The following IL20RB variants were observed in gnomAD, a reference collection of about 807,000 sequenced individuals.
IL20RB encodes interleukin 20 receptor subunit beta, also known as interleukin-20 receptor subunit beta.
IL20RB carries 21 observed loss-of-function variants against 33.3 expected under a neutral mutation model. That is an observed-to-expected ratio of 0.63 (90% CI 0.45 to 0.91). The LOEUF (loss-of-function observed/expected upper bound fraction) is 0.91. Among genes scored for constraint, IL20RB ranks in the 40% least tolerant of loss-of-function variants. IL20RB has a pLI of 0.00. For missense variants in IL20RB, 345 were observed against 384.8 expected, an observed-to-expected ratio of 0.90 and a Z score of 0.86; for synonymous variants, 147 against 146.8, an observed-to-expected ratio of 1.00 and a Z score of -0.01.
At chr3:136,983,743 G>A (rs1397503498) in intron 3 of IL20RB, among the ~76,000 whole-genome samples, 1 of 152,246 alleles carries the variant, frequency 6.6e-6, no homozygotes, top group Non-Finnish European at 1.5e-5. Context: ...TCTACAAGAT[G>A]TCATCTTGTG....
chr3:136,979,146 T>A (rs1170622527), intron 1 of IL20RB, among the ~76,000 whole-genome samples: 1 of 152,116 alleles, frequency 6.6e-6, no homozygotes, highest in Non-Finnish European at 1.5e-5. Flanking sequence ...TTTCCATCCC[T>A]TGGGTGATTT....
At chr3:136,998,183 T>C (rs897051507) in intron 6 of IL20RB, among the ~76,000 whole-genome samples, 1 of 150,266 alleles carries the variant, frequency 6.7e-6, no homozygotes, top group Non-Finnish European at 1.5e-5. Flanking sequence ...TTTGGGTTAA[T>C]TAAAAATTTT....
At chr3:136,998,893 A>AT (rs1033221173) in intron 6 of IL20RB, among the ~76,000 whole-genome samples, 31 of 152,082 alleles carry the variant, frequency 2.0e-4, no homozygotes, top group African/African-American at 7.2e-4. Context: ...AACATCCATG[A>AT]TTTTTTTAAC....
At chr3:137,009,577 T>C (rs563899712) in intron 6 of IL20RB, among the ~76,000 whole-genome samples, 1 of 152,190 alleles carries the variant, frequency 6.6e-6, no homozygotes, top group South Asian at 2.1e-4. Context: ...CTTGCTCTGT[T>C]ACCTAGGCTG....
intron 6 of IL20RB, among the ~76,000 whole-genome samples, chr3:137,007,907 C>T (rs1057468493): frequency 6.6e-6 from 1 of 152,194 alleles, no homozygotes; most frequent in Non-Finnish European, 1.5e-5. Context: ...TGTTTCTATT[C>T]AGCCATCTTG....
chr3:136,998,129 CTTT>C (rs35491086), intron 6 of IL20RB, among the ~76,000 whole-genome samples: 3 of 119,412 alleles, frequency 2.5e-5, no homozygotes, highest in Admixed American at 8.5e-5. Context: ...ATTTTCTTTT[CTTT>C]TTTTTTTTTT....
intron 1 of IL20RB, among the ~76,000 whole-genome samples, chr3:136,975,230 A>G (rs991271083): frequency 1.3e-5 from 2 of 152,250 alleles, no homozygotes; most frequent in African/African-American, 4.8e-5. Context: ...CTGGTATAAC[A>G]GTTTCTTCTT....
intron 1 of IL20RB, among the ~76,000 whole-genome samples, chr3:136,973,295 C>G (rs895745273): frequency 4.8e-5 from 7 of 146,810 alleles, no homozygotes; most frequent in African/African-American, 1.8e-4. Context: ...TCCTGGCTAA[C>G]AGGGTGAAAC....
intron 6 of IL20RB, among the ~76,000 whole-genome samples, chr3:137,000,601 G>A (rs901017103): frequency 9.9e-5 from 15 of 152,194 alleles, no homozygotes; most frequent in African/African-American, 3.6e-4. Flanking sequence ...TGTAATCTGA[G>A]GAGTGTTGGT....
intron 4 of IL20RB, among the ~76,000 whole-genome samples, chr3:136,991,183 G>A (rs1375336401): frequency 1.3e-5 from 2 of 152,218 alleles, no homozygotes; most frequent in African/African-American, 2.4e-5. Context: ...CTTGGCAGCA[G>A]TGGCCATGCC....
At chr3:136,972,679 T>G (rs150836440) in intron 1 of IL20RB, among the ~76,000 whole-genome samples, 6 of 152,182 alleles carry the variant, frequency 3.9e-5, no homozygotes, top group African/African-American at 1.2e-4. Context: ...TTGGGTTTCC[T>G]CTCTTCTTGA....
intron 6 of IL20RB, among the ~76,000 whole-genome samples, chr3:136,997,104 T>TC (rs1359962912): frequency 6.8e-6 from 1 of 147,874 alleles, no homozygotes; most frequent in Non-Finnish European, 1.5e-5. Context: ...TCTCTCTCTC[T>TC]TTTTTTTTTT....
At chr3:137,003,775 T>C (rs1256527337) in intron 6 of IL20RB, among the ~76,000 whole-genome samples, 1 of 152,230 alleles carries the variant, frequency 6.6e-6, no homozygotes, top group Non-Finnish European at 1.5e-5. Context: ...TCTTGCCTGC[T>C]TGGCCTGGCC....
At chr3:136,981,482 T>C (rs907000421) in intron 2 of IL20RB, among the ~76,000 whole-genome samples, 1 of 152,178 alleles carries the variant, frequency 6.6e-6, no homozygotes, top group African/African-American at 2.4e-5. Context: ...GCTAAAAGGC[T>C]GATGCCATAG....
intron 1 of IL20RB, among the ~76,000 whole-genome samples, chr3:136,964,715 A>G (rs1941324826): frequency 1.4e-5 from 1 of 71,916 alleles, no homozygotes; most frequent in Non-Finnish European, 2.6e-5. Flanking sequence ...CCCATTTGTC[A>G]ATTTTGGCTT....
intron 5 of IL20RB, among the ~76,000 whole-genome samples, chr3:136,994,486 T>C (rs764976522): frequency 2.4e-4 from 36 of 152,304 alleles, no homozygotes; most frequent in South Asian, 6.2e-4. Flanking sequence ...TCTTGATGCA[T>C]ACCACCAAAA....
At chr3:136,994,071 A>T (rs1301915229) in intron 5 of IL20RB, among the ~76,000 whole-genome samples, 1 of 152,042 alleles carries the variant, frequency 6.6e-6, no homozygotes, top group African/African-American at 2.4e-5. Flanking sequence ...TCTAGTTCAG[A>T]TGTTGCTAAG....
At chr3:137,003,610 C>T (rs1333652346) in intron 6 of IL20RB, among the ~76,000 whole-genome samples, 1 of 152,048 alleles carries the variant, frequency 6.6e-6, no homozygotes, top group African/African-American at 2.4e-5. Flanking sequence ...TTTTGCACAT[C>T]GATTTTGTAT....
intron 1 of IL20RB, 175 bp from the exon 2 acceptor site, chr3:136,980,291 C>CTTT (rs5852860): frequency 1.7e-5 from 9 of 544,184 alleles, no homozygotes; most frequent in African/African-American, 6.0e-5. Context: ...ACATGTGAGG[C>CTTT]TTTTTTTTTT....
Sources: allele counts gnomAD v4.1 joint callset (sites outside exome capture counted in the v4.1 genomes callset), GRCh38; gene constraint gnomAD v4.1.1; transcripts MANE v1.5; gene names NCBI Gene and HGNC (gene_info 2026-07-23, HGNC 2026-07-21).